The following NRG3 variants were observed in gnomAD, a reference collection of about 807,000 sequenced individuals.
The protein encoded by NRG3 is neuregulin 3.
In NRG3, 31 loss-of-function variants were observed where a neutral mutation model predicts 66.9. The ratio of observed to expected loss-of-function variants is 0.46; its 90% CI spans 0.35 to 0.63. The LOEUF (loss-of-function observed/expected upper bound fraction) is 0.63, where lower values mean the gene tolerates loss of function less well. NRG3 is among the 20% of genes least tolerant of loss of function. The pLI is 0.00. For synonymous variants in NRG3, 393 were observed against 359.4 expected (o/e 1.09, Z -1.06); for missense variants, 910 against 878.9 (o/e 1.04, Z -0.45).
At chr10:82,758,744 C>T (rs893496214) in intron 3 of NRG3, among the ~76,000 whole-genome samples, 1 of 151,988 alleles carries the variant, frequency 6.6e-6, no homozygotes, top group African/African-American at 2.4e-5. Flanking sequence ...ATGAATGGAA[C>T]AGTAGAGGCA....
chr10:82,531,263 T>C (rs976485026), intron 2 of NRG3, among the ~76,000 whole-genome samples: 1 of 151,778 alleles, frequency 6.6e-6, no homozygotes, highest in Non-Finnish European at 1.5e-5. Flanking sequence ...TAATGCCATC[T>C]TTTCAAGATT....
intron 2 of NRG3, among the ~76,000 whole-genome samples, chr10:82,603,844 T>G (rs1196694610): frequency 6.6e-6 from 1 of 152,162 alleles, no homozygotes; most frequent in African/African-American, 2.4e-5. Context: ...TGGCATTGGA[T>G]TTCATACAAA....
intron 2 of NRG3, among the ~76,000 whole-genome samples, chr10:82,551,781 A>G (rs2044324318): frequency 6.6e-6 from 1 of 152,038 alleles, no homozygotes; most frequent in Admixed American, 6.6e-5. Flanking sequence ...TCTCTGCCCT[A>G]CAACCTAGCC....
chr10:82,505,432 C>T (rs1290935229), intron 2 of NRG3, among the ~76,000 whole-genome samples: 2 of 152,208 alleles, frequency 1.3e-5, no homozygotes, highest in Non-Finnish European at 2.9e-5. Context: ...ACTGGTATCA[C>T]TGTACATGCC....
At chr10:82,562,370 C>T (rs2133028002) in intron 2 of NRG3, among the ~76,000 whole-genome samples, 1 of 152,276 alleles carries the variant, frequency 6.6e-6, no homozygotes, top group Admixed American at 6.5e-5. Flanking sequence ...CCAACCAATA[C>T]AGACTGTTCA....
intron 4 of NRG3, among the ~76,000 whole-genome samples, chr10:82,935,113 G>A (rs1847930555): frequency 6.6e-6 from 1 of 152,318 alleles, no homozygotes; most frequent in East Asian, 1.9e-4. Context: ...ATATTTGCCA[G>A]TTAGACCTCT....
At chr10:82,170,462 T>C (rs2072483140) in intron 1 of NRG3, among the ~76,000 whole-genome samples, 2 of 151,656 alleles carry the variant, frequency 1.3e-5, no homozygotes, top group Admixed American at 1.3e-4. Flanking sequence ...ATGCGTCTTG[T>C]CCAAACCTGG....
At chr10:82,030,006 C>T (rs1188348591) in intron 1 of NRG3, among the ~76,000 whole-genome samples, 3 of 152,022 alleles carry the variant, frequency 2.0e-5, no homozygotes, top group Non-Finnish European at 2.9e-5. Context: ...CAAAACAGCC[C>T]GCAGTCACAA....
At chr10:82,564,105 A>G (rs1456030289) in intron 2 of NRG3, among the ~76,000 whole-genome samples, 1 of 152,144 alleles carries the variant, frequency 6.6e-6, no homozygotes, top group Admixed American at 6.6e-5. Context: ...TATGTAGTTA[A>G]CAGATAAAAG....
chr10:81,962,372 G>C (rs1456664120), intron 1 of NRG3, among the ~76,000 whole-genome samples: 1 of 152,154 alleles, frequency 6.6e-6, no homozygotes, highest in East Asian at 1.9e-4. Flanking sequence ...GAAATCTAAA[G>C]TAGAAATAGT....
chr10:82,077,457 T>A (rs2065151993), intron 1 of NRG3, among the ~76,000 whole-genome samples: 1 of 152,234 alleles, frequency 6.6e-6, no homozygotes, highest in Non-Finnish European at 1.5e-5. Flanking sequence ...GGTATAGTTC[T>A]AGATATTTTA....
chr10:81,963,426 C>T (rs975796731), intron 1 of NRG3, among the ~76,000 whole-genome samples: 2 of 148,852 alleles, frequency 1.3e-5, no homozygotes, highest in Non-Finnish European at 3.0e-5. Context: ...AGCCACCGCG[C>T]CCGGCCCACG....
chr10:81,881,787 C>T (rs926737259), intron 1 of NRG3, among the ~76,000 whole-genome samples: 5 of 152,024 alleles, frequency 3.3e-5, no homozygotes, highest in African/African-American at 1.2e-4. Flanking sequence ...CTGGTTTAAG[C>T]TTAGCATCTT....
At chr10:82,322,875 TA>T (rs1439757009) in intron 1 of NRG3, among the ~76,000 whole-genome samples, 2 of 152,200 alleles carry the variant, frequency 1.3e-5, no homozygotes, top group Non-Finnish European at 2.9e-5. Flanking sequence ...TAACATTTGC[TA>T]TGTGAACAGA....
intron 3 of NRG3, among the ~76,000 whole-genome samples, chr10:82,787,262 A>C (rs2060408920): frequency 6.6e-6 from 1 of 152,166 alleles, no homozygotes; most frequent in South Asian, 2.1e-4. Flanking sequence ...ACCCTACTGC[A>C]GTGGCCTGGT....
At chr10:82,855,558 C>G (rs900600696) in intron 3 of NRG3, among the ~76,000 whole-genome samples, 1 of 152,010 alleles carries the variant, frequency 6.6e-6, no homozygotes, top group East Asian at 1.9e-4. Flanking sequence ...CCACCATGCC[C>G]GGCTGATTTT....
intron 2 of NRG3, among the ~76,000 whole-genome samples, chr10:82,532,164 TA>T (rs1847331235): frequency 6.6e-6 from 1 of 151,840 alleles, no homozygotes; most frequent in Admixed American, 6.6e-5. Flanking sequence ...CTCTTTTAGT[TA>T]TTTTGAAATA....
intron 4 of NRG3, among the ~76,000 whole-genome samples, chr10:82,914,762 T>C (rs1845674048): frequency 1.3e-5 from 2 of 150,552 alleles, no homozygotes; most frequent in African/African-American, 4.9e-5. Context: ...TTTTTTTTTT[T>C]CCCCACACCC....
At chr10:82,459,235 G>A (rs2091407186) in intron 2 of NRG3, among the ~76,000 whole-genome samples, 2 of 152,164 alleles carry the variant, frequency 1.3e-5, no homozygotes, top group South Asian at 4.1e-4. Context: ...CCATGTCTGT[G>A]AGCCTTTACC....
Sources: allele counts gnomAD v4.1 joint callset (sites outside exome capture counted in the v4.1 genomes callset), GRCh38; gene constraint gnomAD v4.1.1; transcripts MANE v1.5; gene names NCBI Gene and HGNC (gene_info 2026-07-23, HGNC 2026-07-21).